The following ZZZ3 variants were observed in gnomAD, a reference collection of about 807,000 sequenced individuals.
ZZZ3 encodes the protein ZZ-type zinc finger-containing protein 3.
Under a neutral mutation model 95.2 loss-of-function variants are expected in ZZZ3, and 22 were observed. The observed-to-expected ratio is 0.23, with a 90% CI of 0.17 to 0.33. The LOEUF (loss-of-function observed/expected upper bound fraction) is 0.33. Ranked by LOEUF, ZZZ3 falls within the 10% of genes least tolerant of loss-of-function variation. The probability of loss-of-function intolerance (pLI) is 1.00; values close to 1 mark genes in which losing one functional copy is unlikely to be tolerated. For missense variants in ZZZ3, 885 were observed against 1,066.5 expected (o/e 0.83, Z 2.37); for synonymous variants, 335 against 358.9 (o/e 0.93, Z 0.75).
At chr1:77,567,369 G>A (rs1477493865) in intron 13 of ZZZ3, among the ~76,000 whole-genome samples, 1 of 152,122 alleles carries the variant, frequency 6.6e-6, no homozygotes, top group African/African-American at 2.4e-5. Context: ...TCCATACTAT[G>A]GCCAAAATGA....
At chr1:77,629,332 T>C (rs1165887620) in intron 5 of ZZZ3, among the ~76,000 whole-genome samples, 1 of 152,166 alleles carries the variant, frequency 6.6e-6, no homozygotes, top group African/African-American at 2.4e-5. Context: ...AAAAGTGCGA[T>C]CCTAGCCAGG....
At chr1:77,603,128 G>A (rs1664899300) in intron 5 of ZZZ3, among the ~76,000 whole-genome samples, 1 of 151,680 alleles carries the variant, frequency 6.6e-6, no homozygotes, top group African/African-American at 2.4e-5. Flanking sequence ...CCAGGCTGGA[G>A]TGCAGTAGGA....
intron 1 of ZZZ3, among the ~76,000 whole-genome samples, chr1:77,664,894 G>A (rs1406035942): frequency 6.6e-6 from 1 of 152,070 alleles, no homozygotes; most frequent in Non-Finnish European, 1.5e-5. Flanking sequence ...CTTCTCCAAG[G>A]CATACCTAGG....
intron 5 of ZZZ3, among the ~76,000 whole-genome samples, chr1:77,608,173 G>A (rs962671689): frequency 6.6e-6 from 1 of 152,072 alleles, no homozygotes; most frequent in African/African-American, 2.4e-5. Context: ...GAAAACCAAG[G>A]AGATTTAGCC....
intron 5 of ZZZ3, among the ~76,000 whole-genome samples, chr1:77,597,644 A>T (rs1347203782): frequency 6.6e-6 from 1 of 152,122 alleles, no homozygotes; most frequent in African/African-American, 2.4e-5. Flanking sequence ...ACCCCAGTCT[A>T]ATCATGAGAA....
chr1:77,567,127 ACACAT>A (rs1356874618), intron 13 of ZZZ3, among the ~76,000 whole-genome samples: 3 of 152,190 alleles, frequency 2.0e-5, no homozygotes, highest in Non-Finnish European at 4.4e-5. Flanking sequence ...CAGTCACAGC[ACACAT>A]CAGTACTTTC....
In ZZZ3 at chr1:77,632,368, C is replaced by T. The variant is rs532076116; in HGVS notation, c.987G>A (p.Glu329=). The change falls in exon 5 of 15, where the codon GAG becomes GAA. Residue 329 remains glutamate (E), a synonymous_variant. Coordinates refer to ENST00000370801, the MANE Select transcript of ZZZ3 (RefSeq NM_015534.6). ...CGTTATTGGTGTTTTCTTTACACTG[C>T]TCTTTTGAGGCACTGCTATCTCCCA... is the stretch of plus-strand genomic sequence containing the variant. The part of the protein sequence containing the change: ...DVVGDSSASK[E]QCKENTNNEL... 2.5e-6 allele frequency: 4 copies of T among 1,614,154 alleles called. 1 individual carries two copies. The highest frequency in any genetic ancestry group is 2.2e-5 in the East Asian group (1 of 44,886).
Position 77,652,641 on chromosome 1 carries a change from AC to A in ZZZ3, c.-402-10987del, listed in dbSNP as rs569574356. Among the ~76,000 whole-genome samples, 23 of 152,374 alleles carry A rather than the reference AC, an allele frequency of 1.5e-4. No homozygotes were observed. In the South Asian group the frequency reaches 4.1e-3, roughly 27 times the overall value. The stretch of plus-strand genomic sequence containing the variant: ...AACATATGTCCACACAAAAACATGT[AC>A]AAAAATGTTCATAGCAGCATTATTC... On this transcript the variant is annotated intron_variant, in intron 1 of 14. Coordinates refer to ENST00000370801, the MANE Select transcript of ZZZ3 (RefSeq NM_015534.6).
At chr1:77,612,603 A>AT (rs1665921495) in intron 5 of ZZZ3, among the ~76,000 whole-genome samples, 1 of 152,016 alleles carries the variant, frequency 6.6e-6, no homozygotes, top group East Asian at 1.9e-4. Flanking sequence ...ATACTATTCA[A>AT]TTTTTTAAAA....
At chr1:77,670,760 CA>C (rs369356150) in intron 1 of ZZZ3, among the ~76,000 whole-genome samples, 7 of 126,616 alleles carry the variant, frequency 5.5e-5, no homozygotes, top group African/African-American at 8.8e-5. Flanking sequence ...CAAAACAAAA[CA>C]AAAAAAAAAC....
chr1:77,664,082 C>T (rs1671051964), intron 1 of ZZZ3, among the ~76,000 whole-genome samples: 2 of 149,044 alleles, frequency 1.3e-5, no homozygotes, highest in Non-Finnish European at 3.0e-5. Context: ...ACCAAAATGT[C>T]TTGGAAAAAA....
At chr1:77,601,986 C>G (rs886101308) in intron 5 of ZZZ3, among the ~76,000 whole-genome samples, 1 of 152,250 alleles carries the variant, frequency 6.6e-6, no homozygotes, top group South Asian at 2.1e-4. Context: ...TTCCGCTCTG[C>G]TAATCTGCTG....
chr1:77,609,997 T>C lies in ZZZ3; in HGVS notation c.1505+21853A>G, dbSNP rs540240966. On this transcript the variant is annotated intron_variant, in intron 5 of 14. Coordinates refer to ENST00000370801, the MANE Select transcript of ZZZ3 (RefSeq NM_015534.6). ...AGCAAGAGCAAACCAAACCCAAAAT[T>C]AGAAGAAATCATATAGATCAGAAGT... Among the ~76,000 whole-genome samples, 4 of 151,374 alleles carry C rather than the reference T, an allele frequency of 2.6e-5. No individual in the cohort carries two copies. The South Asian group carries it at 8.3e-4, about 31-fold the overall frequency.
chr1:77,682,947 T>C (rs1057459177), upstream of ZZZ3, among the ~76,000 whole-genome samples: 1 of 152,156 alleles, frequency 6.6e-6, no homozygotes, highest in Non-Finnish European at 1.5e-5. Context: ...GCAGCCTCCC[T>C]GTCACGTGGA....
At chr1:77,612,608 T>C (rs1340168981) in intron 5 of ZZZ3, among the ~76,000 whole-genome samples, 2 of 151,986 alleles carry the variant, frequency 1.3e-5, no homozygotes, top group Non-Finnish European at 2.9e-5. Context: ...ATTCAATTTT[T>C]TAAAAGGAGA....
chr1:77,615,364 A>G (rs1165705656), intron 5 of ZZZ3, among the ~76,000 whole-genome samples: 1 of 152,256 alleles, frequency 6.6e-6, no homozygotes, highest in Non-Finnish European at 1.5e-5. Context: ...CAAGTATGAC[A>G]ACGGTTAAAA....
At chr1:77,637,164 A>T (rs1159678188) in intron 4 of ZZZ3, among the ~76,000 whole-genome samples, 1 of 152,256 alleles carries the variant, frequency 6.6e-6, no homozygotes, top group Non-Finnish European at 1.5e-5. Flanking sequence ...AATTCTAATA[A>T]GATAATAGTC....
intron 5 of ZZZ3, among the ~76,000 whole-genome samples, chr1:77,629,008 A>G (rs1246377759): frequency 6.6e-6 from 1 of 152,214 alleles, no homozygotes; most frequent in Non-Finnish European, 1.5e-5. Flanking sequence ...TTTAAAACCC[A>G]AGTGCTTTTT....
rs894904672 is a variant in ZZZ3 at position 77,564,959 on chromosome 1, T to C, written c.*681A>G. On this transcript the variant is annotated 3_prime_UTR_variant, in exon 15 of 15. Transcript: ENST00000370801. ...TGATCATCTTATATAACATTACATT[T>C]AAAAAATATATCTGAGTGACAATTT... 3.9e-5 allele frequency: 6 copies of C among 152,658 alleles called. No individual in the cohort carries two copies. The highest frequency in any genetic ancestry group is 7.3e-5 in the Non-Finnish European group (5 of 68,032). The allele number at this position is 152,658 out of a possible 1,614,324, so 9.5% of individuals were successfully genotyped here. A position where few individuals can be genotyped will look rare whatever the true frequency, so the allele number is the denominator to read the frequency against.
Sources: gnomAD v4.1 joint callset for allele counts (sites outside exome capture counted in the v4.1 genomes callset) on GRCh38, gnomAD v4.1.1 for gene constraint, MANE v1.5 for transcripts, NCBI Gene and HGNC (gene_info 2026-07-23, HGNC 2026-07-21) for gene names.